The following RYR1 variants were observed in gnomAD, a reference collection of about 807,000 sequenced individuals.
RYR1 encodes ryanodine receptor 1.
RYR1 carries 342 observed loss-of-function variants against 583.5 expected under a neutral mutation model. The observed-to-expected ratio is 0.59, with a 90% confidence interval of 0.54 to 0.64. The LOEUF is 0.64. RYR1 is among the 30% of genes least tolerant of loss of function. RYR1 has a pLI of 0.00. For synonymous variants in RYR1, 2,791 were observed against 2,822.5 expected, an observed-to-expected ratio of 0.99 and a Z score of 0.35; for missense variants, 6,032 against 6,917.2, an observed-to-expected ratio of 0.87 and a Z score of 4.54.
chr19:38,525,964 G>A (rs971450953), intron 71 of RYR1, among the ~76,000 whole-genome samples: 4 of 151,748 alleles, frequency 2.6e-5, no homozygotes, highest in Admixed American at 6.6e-5. Context: ...GAACCTCTGG[G>A]TTCCTGCTGA....
Position 38,561,370 on chromosome 19 carries a change from C to T in RYR1, c.12540C>T (p.Ile4180=), listed in dbSNP as rs1285625012. ...LEYFRPYLGR[I]EIMGASRRIE... Reference sequence around the variant, plus strand: ...ACTTCCGCCCCTACCTGGGCCGCATCGAGATCATGGGCGCGTCACGCCGCA... The same window carrying T: ...ACTTCCGCCCCTACCTGGGCCGCATTGAGATCATGGGCGCGTCACGCCGCA... The change falls in exon 90 of 106, where the codon ATC becomes ATT. Residue 4180 remains isoleucine (I), a synonymous_variant. Transcript: ENST00000359596. The surrounding 1 kb of genome is among the most constrained non-coding windows in gnomAD (Gnocchi z 4.8). The T allele has an allele frequency of 5.0e-6, 8 of 1,613,662 alleles. No homozygotes were observed. The highest frequency in any genetic ancestry group is 5.9e-6 in the Non-Finnish European group (7 of 1,180,016).
chr19:38,502,694 A>G lies in RYR1; in HGVS notation c.7802A>G (p.Asp2601Gly). Residue 2601 changes from aspartate (D) to glycine (G), a missense_variant, in exon 48 of 106, where the codon GAC becomes GGC. Asp to Gly is a moderately conservative substitution (Grantham distance 94, BLOSUM62 -1). Around this residue, in one of 11 missense-constraint regions of RYR1, gnomAD observed 250 missense variants for 162.3 expected, o/e 1.54. Transcript: ENST00000359596. Reference sequence around the variant, plus strand: ...CGTTCGCTCACCAAGGCGCAGCGTGACGTCATCGAGGACTGCCTCATGTCG... The same window carrying G: ...CGTTCGCTCACCAAGGCGCAGCGTGGCGTCATCGAGGACTGCCTCATGTCG... ...RGRSLTKAQRDVIEDCLMSLC... is the reference protein window; with the variant it reads ...RGRSLTKAQRGVIEDCLMSLC... 6.2e-7 allele frequency: 1 copy of G among 1,604,094 alleles called. No homozygotes were observed. Among genetic ancestry groups the G allele is most frequent in the Non-Finnish European group, 8.5e-7 (1 of 1,178,082 alleles).
chr19:38,526,481 C>T (rs981963125), intron 71 of RYR1, among the ~76,000 whole-genome samples: 16 of 151,980 alleles, frequency 1.1e-4, no homozygotes, highest in African/African-American at 2.7e-4. Flanking sequence ...CCTGCCAGGA[C>T]GCCAGAGAGC....
rs1243399912 is a variant in RYR1, at chr19:38,485,657, C to T, written c.5002C>T (p.Leu1668Phe). ...GCGCTTCCACTCGCACACCCTGCGC[C>T]TCTACCGCGCTGTGTGCGCCCTGGG... The part of the protein sequence containing the change: ...LQRFHSHTLR[L>F]YRAVCALGNN... The change falls in exon 34 of 106, where the codon CTC becomes TTC. Residue 1668 changes from leucine to phenylalanine, a missense_variant. By Grantham distance (22) the Leu-to-Phe change is conservative. Transcript: ENST00000359596. 4 of 1,610,620 alleles carry T rather than the reference C, an allele frequency of 2.5e-6. No homozygotes were observed. Among genetic ancestry groups the T allele is most frequent in the Admixed American group, 3.3e-5 (2 of 60,012 alleles).
intron 84 of RYR1, among the ~76,000 whole-genome samples, chr19:38,539,364 G>A (rs946301915): frequency 3.3e-5 from 5 of 150,176 alleles, no homozygotes; most frequent in East Asian, 2.0e-4. Context: ...TCAGCCTCCC[G>A]AGTATCCAGG....
chr19:38,463,491 G>A lies in RYR1; in HGVS notation c.2646G>A (p.Ala882=), dbSNP rs375163703. The A allele has an allele frequency of 3.1e-5, 50 of 1,613,252 alleles. No individual in the cohort carries two copies. The highest frequency in any genetic ancestry group is 3.0e-4 in the South Asian group (27 of 91,080). The change falls in exon 21 of 106, where the codon GCG becomes GCA. Residue 882 remains alanine (A), a synonymous_variant. Coordinates refer to ENST00000359596, the MANE Select transcript of RYR1 (RefSeq NM_000540.3). ...KLAENIHELW[A]LTRIEQGWTY... is the part of the protein sequence containing the mutation. ...CGGAGAACATCCACGAGCTCTGGGCGCTAACCCGCATCGAGCAGGGCTGGA... is the reference window on the plus strand; with the variant it reads ...CGGAGAACATCCACGAGCTCTGGGCACTAACCCGCATCGAGCAGGGCTGGA...
Position 38,483,476 on chromosome 19 carries a change from C to A in RYR1, c.4894C>A (p.Pro1632Thr). Residue 1632 changes from proline to threonine, a missense_variant, in exon 33 of 106, where the codon CCG becomes ACG. Transcript: ENST00000359596. The surrounding 1 kb of genome is among the most constrained non-coding windows in gnomAD (Gnocchi z 6.3). ...GGGCTGGGCCGTGCAGTGCCAGGAG[C>A]CGCTGACCATGATGGCGCTGCACAT... ...RLGWAVQCQEPLTMMALHIPE... is the reference protein window; with the variant it reads ...RLGWAVQCQETLTMMALHIPE... 1 of 1,562,580 alleles carries A rather than the reference C, an allele frequency of 6.4e-7. No homozygotes were observed.
In RYR1 at chr19:38,444,937, T is replaced by C. The variant is rs1972867627; in HGVS notation, c.631+260T>C. Among the ~76,000 whole-genome samples the C allele has an allele frequency of 6.6e-6, 1 of 151,330 alleles. No homozygotes were observed. Among genetic ancestry groups the C allele is most frequent in the Non-Finnish European group, 1.5e-5 (1 of 67,902 alleles). ...AGCCCCCAAGGCTCCTAAACTCAGA[T>C]TCAAATCTTAAAACATCAAGTTTAA... On this transcript the variant is annotated intron_variant, in intron 7 of 105. Transcript: ENST00000359596. This position sits in a 1 kb window ranked among gnomAD's most constrained non-coding sequence, Gnocchi z 5.1.
chr19:38,436,181 A>G (rs1479976742), intron 1 of RYR1, among the ~76,000 whole-genome samples: 2 of 151,948 alleles, frequency 1.3e-5, no homozygotes, highest in Admixed American at 1.3e-4. Flanking sequence ...AGGTGCTGGG[A>G]TTACAGGTGT....
chr19:38,527,568 C>A, intron 72 of RYR1, 79 bp from the exon 73 acceptor site: 1 of 1,587,680 alleles, frequency 6.3e-7, no homozygotes, highest in South Asian at 1.1e-5. Flanking sequence ...TTGAGTCCTC[C>A]CAAAAACGGA....
intron 88 of RYR1, among the ~76,000 whole-genome samples, chr19:38,547,752 A>C (rs1445759191): frequency 6.8e-6 from 1 of 146,518 alleles, no homozygotes; most frequent in Non-Finnish European, 1.5e-5. Flanking sequence ...GTCTCACTCC[A>C]TCACCCAGGC....
chr19:38,525,207 G>A (rs545186999), intron 70 of RYR1, 125 bp from the exon 71 acceptor site: 6 of 1,090,116 alleles, frequency 5.5e-6, no homozygotes, highest in Non-Finnish European at 8.3e-6. Flanking sequence ...TTGAGGTGTC[G>A]TCGGCAGTTG....
chr19:38,527,861 G>A (rs962276731), intron 73 of RYR1, 77 bp downstream of exon 73: 3 of 1,558,044 alleles, frequency 1.9e-6, no homozygotes, highest in Non-Finnish European at 2.6e-6. Flanking sequence ...AAGGATGTGG[G>A]TGGGGTCTGG....
rs1016278415 is a variant in RYR1, at chr19:38,466,626, C to T, written c.3178+228C>T. Reference sequence around the variant, plus strand: ...ACACCATTCTCCTGCCTCAGCCTTCCGAGTAGCTGGGATTACCGGCGGGTG... The same window carrying T: ...ACACCATTCTCCTGCCTCAGCCTTCTGAGTAGCTGGGATTACCGGCGGGTG... On this transcript the variant is annotated intron_variant, in intron 24 of 105. Transcript: ENST00000359596. Among the ~76,000 whole-genome samples the T allele has an allele frequency of 6.6e-5, 10 of 151,902 alleles. No individual in the cohort carries two copies. The East Asian group carries it at 9.7e-4, about 15-fold the overall frequency.
intron 11 of RYR1, 125 bp from the exon 12 acceptor site, chr19:38,451,639 T>A: frequency 1.8e-6 from 2 of 1,098,720 alleles, no homozygotes; most frequent in South Asian, 2.5e-5. Flanking sequence ...GAGGAGGAAT[T>A]TGCAGTGAGA....
intron 47 of RYR1, among the ~76,000 whole-genome samples, chr19:38,502,213 G>A (rs968925844): frequency 2.0e-5 from 3 of 152,032 alleles, no homozygotes; most frequent in Non-Finnish European, 4.4e-5. Flanking sequence ...GGAGATAAGC[G>A]TGCAGACCAT....
In RYR1 at chr19:38,444,214, G is replaced by A. The variant is rs776807425; in HGVS notation, c.490G>A (p.Val164Ile). 7.4e-6 allele frequency: 12 copies of A among 1,613,970 alleles called. No individual in the cohort carries two copies. The highest frequency in any genetic ancestry group is 4.0e-5 in the African/African-American group (3 of 74,896). Residue 164 changes from valine to isoleucine, a missense_variant, in exon 6 of 106, where the codon GTT (valine) becomes ATT (isoleucine). Around this residue, in one of 11 missense-constraint regions of RYR1, gnomAD observed 338 missense variants for 441.6 expected, o/e 0.77. Coordinates refer to ENST00000359596, the MANE Select transcript of RYR1 (RefSeq NM_000540.3). This position sits in a 1 kb window ranked among gnomAD's most constrained non-coding sequence, Gnocchi z 5.1. ...GAGGTCTGAAGGAGAAAAGGTCCGC[G>A]TTGGGGATGACATCATCCTTGTCAG... ...KQRSEGEKVR[V>I]GDDIILVSVS...
chr19:38,551,327 C>T (rs969941424), intron 89 of RYR1, among the ~76,000 whole-genome samples: 3 of 151,696 alleles, frequency 2.0e-5, no homozygotes, highest in African/African-American at 7.3e-5. Context: ...AAGTGATCCG[C>T]CCGCCTCAGC....
At chr19:38,524,198 A>G (rs550416302) in intron 70 of RYR1, among the ~76,000 whole-genome samples, 16 of 148,366 alleles carry the variant, frequency 1.1e-4, no homozygotes, top group Non-Finnish European at 1.6e-4. Flanking sequence ...AAAAAAAAAA[A>G]AAAAAGAAAA....
Sources: allele counts gnomAD v4.1 joint callset (sites outside exome capture counted in the v4.1 genomes callset), GRCh38; gene constraint gnomAD v4.1.1; regional missense constraint gnomAD v4.1.1; non-coding constraint Gnocchi (gnomAD v3.1); transcripts MANE v1.5; gene names NCBI Gene and HGNC (gene_info 2026-07-23, HGNC 2026-07-21).